The following EIF3F variants were observed in gnomAD, a reference collection of about 807,000 sequenced individuals.
The protein encoded by EIF3F is deubiquitinating enzyme eIF3f.
In EIF3F, 8 loss-of-function variants were observed where a neutral mutation model predicts 36.0. The observed-to-expected ratio is 0.22, with a 90% confidence interval of 0.13 to 0.40. The LOEUF is 0.40. EIF3F is among the 10% of genes least tolerant of loss of function. The pLI is 1.00. For synonymous variants in EIF3F, 184 were observed against 188.5 expected (o/e 0.98, Z 0.19); for missense variants, 430 against 467.6 (o/e 0.92, Z 0.74).
At chr11:7,990,050 C>T (rs1282879581) in intron 1 of EIF3F, among the ~76,000 whole-genome samples, 2 of 152,182 alleles carry the variant, frequency 1.3e-5, no homozygotes, top group Non-Finnish European at 2.9e-5. Flanking sequence ...AAAAATCACT[C>T]TGGAATGAGT....
chr11:7,988,472 G>T (rs1434509767), intron 1 of EIF3F, among the ~76,000 whole-genome samples: 1 of 152,162 alleles, frequency 6.6e-6, no homozygotes, highest in African/African-American at 2.4e-5. Context: ...TTCCAAATTT[G>T]GGGAATAGAT....
At chr11:7,988,014 T>G (rs1389720876) in intron 1 of EIF3F, 1 of 277,022 alleles carries the variant, frequency 3.6e-6, no homozygotes, top group South Asian at 1.3e-4. Flanking sequence ...ATGCCAGTGG[T>G]TTACATTTTA....
chr11:7,995,584 A>G lies in EIF3F; in HGVS notation c.996+217A>G, dbSNP rs906597683. 3 of 597,682 alleles carry G rather than the reference A, an allele frequency of 5.0e-6. No individual in the cohort carries two copies. In the East Asian group the frequency reaches 8.4e-5, roughly 17 times the overall value. 37.0% of individuals were successfully genotyped at this position (597,682 alleles called of 1,614,324 possible). A position where few individuals can be genotyped will look rare whatever the true frequency, so the allele number is the denominator to read the frequency against. Reference sequence around the variant, plus strand: ...CTCCCATGATTCCATTGTCTCATTTACTGCTGATACTACTGTGACTTACTG... The same window carrying G: ...CTCCCATGATTCCATTGTCTCATTTGCTGCTGATACTACTGTGACTTACTG... On this transcript the variant is annotated intron_variant, in intron 7 of 7. Coordinates refer to ENST00000651655, the MANE Select transcript of EIF3F (RefSeq NM_003754.3).
Position 8,001,429 on chromosome 11 carries a change from A to G in EIF3F, c.*5407A>G, listed in dbSNP as rs1021255654. 30 of 152,250 alleles carry G rather than the reference A, an allele frequency of 2.0e-4. No homozygotes were observed. Among genetic ancestry groups the G allele is most frequent in the African/African-American group, 6.0e-4 (25 of 41,472 alleles). The allele number at this position is 152,250 out of a possible 1,614,324, so 9.4% of individuals were successfully genotyped here. On this transcript the variant is annotated 3_prime_UTR_variant, in exon 8 of 8. Transcript: ENST00000651655. Reference sequence around the variant, plus strand: ...ATGACACAATGTAATGAATACATAGATAAGTACTGAAATACTTGGTTATCA... The same window carrying G: ...ATGACACAATGTAATGAATACATAGGTAAGTACTGAAATACTTGGTTATCA...
At chr11:7,989,700 A>G (rs183013801) in intron 1 of EIF3F, among the ~76,000 whole-genome samples, 145 of 152,364 alleles carry the variant, frequency 9.5e-4, no homozygotes, top group African/African-American at 3.4e-3. Flanking sequence ...TCATGGTGGC[A>G]TGGAAATGCA....
chr11:7,991,643 C>T (rs1942096809), intron 1 of EIF3F, 138 bp from the exon 2 acceptor site: 5 of 821,198 alleles, frequency 6.1e-6, no homozygotes, highest in Admixed American at 1.8e-5. Context: ...ATCGATGCAC[C>T]GGACTAAACT....
rs200663616 is a variant in EIF3F at position 7,987,349 on chromosome 11, C to T, written c.-4C>T. ...CCGCTTCCGCCTCCTTCTTTCTCGA[C>T]AAGATGGCCACACCGGCGGTACCAG... On this transcript the variant is annotated 5_prime_UTR_variant, in exon 1 of 8. Transcript: ENST00000651655. The T allele has an allele frequency of 2.5e-5, 40 of 1,591,832 alleles. 1 individual carries two copies. Among genetic ancestry groups the T allele is most frequent in the South Asian group, 1.3e-4 (12 of 90,378 alleles).
chr11:7,992,461 A>C (rs1462246131), intron 3 of EIF3F: 2 of 448,180 alleles, frequency 4.5e-6, no homozygotes, highest in East Asian at 4.6e-5. Flanking sequence ...AGTCCTAGCT[A>C]TTCAGGAGGC....
intron 1 of EIF3F, among the ~76,000 whole-genome samples, chr11:7,989,529 G>T (rs904257801): frequency 6.6e-6 from 1 of 152,206 alleles, no homozygotes; most frequent in Non-Finnish European, 1.5e-5. Context: ...TTGTCTAAAT[G>T]AAGTCATTGG....
intron 1 of EIF3F, among the ~76,000 whole-genome samples, chr11:7,988,268 G>T (rs4625452): frequency 1.3e-5 from 2 of 152,378 alleles, no homozygotes; most frequent in African/African-American, 4.8e-5. Flanking sequence ...GTTGGAACCC[G>T]CTTGGGATTT....
rs912208158 is a variant in EIF3F, at chr11:7,997,884, T to G, written c.*1862T>G. ...GTACAGACATTTTTCCTTGTCATTT[T>G]TCCCTAAACAATACAAAGTATTAGA... is the stretch of plus-strand genomic sequence containing the variant. On this transcript the variant is annotated 3_prime_UTR_variant, in exon 8 of 8. Coordinates refer to ENST00000651655, the MANE Select transcript of EIF3F (RefSeq NM_003754.3). 2.0e-5 allele frequency: 3 copies of G among 152,258 alleles called. No individual in the cohort carries two copies. The highest frequency in any genetic ancestry group is 7.2e-5 in the African/African-American group (3 of 41,470). 9.4% of individuals were successfully genotyped at this position (152,258 alleles called of 1,614,324 possible).
At chr11:7,991,192 CAG>C (rs1399227794) in intron 1 of EIF3F, among the ~76,000 whole-genome samples, 1 of 144,962 alleles carries the variant, frequency 6.9e-6, no homozygotes, top group Non-Finnish European at 1.5e-5. Context: ...GATTTCGTCT[CAG>C]AAAAAAAAAA....
In EIF3F at chr11:7,987,350, A is replaced by G. The variant is rs748371751; in HGVS notation, c.-3A>G. On this transcript the variant is annotated 5_prime_UTR_variant, in exon 1 of 8. Coordinates refer to ENST00000651655, the MANE Select transcript of EIF3F (RefSeq NM_003754.3). ...CGCTTCCGCCTCCTTCTTTCTCGAC[A>G]AGATGGCCACACCGGCGGTACCAGT... 6.9e-6 allele frequency: 11 copies of G among 1,592,068 alleles called. No individual in the cohort carries two copies. The East Asian group carries it at 9.0e-5, about 13-fold the overall frequency.
At position 7,999,950 on chromosome 11, in the gene EIF3F, T is replaced by G. The variant is rs1311875310; in HGVS notation, c.*3928T>G. ...TGAGCGCGGTGGCCCACGCCTGTAA[T>G]CCCAGCACTTTGGGAGGCCAAGGCA... is the stretch of plus-strand genomic sequence containing the variant. On this transcript the variant is annotated 3_prime_UTR_variant, in exon 8 of 8. Transcript: ENST00000651655. The G allele has an allele frequency of 6.6e-6, 1 of 152,326 alleles. No individual in the cohort carries two copies. Among genetic ancestry groups the G allele is most frequent in the East Asian group, 1.9e-4 (1 of 5,200 alleles). The allele number at this position is 152,326 out of a possible 1,614,324, so 9.4% of individuals were successfully genotyped here. A position where few individuals can be genotyped will look rare whatever the true frequency, so the allele number is the denominator to read the frequency against.
At chr11:7,991,674 A>T in intron 1 of EIF3F, 107 bp from the exon 2 acceptor site, 1 of 1,046,654 alleles carries the variant, frequency 9.6e-7, no homozygotes, top group Non-Finnish European at 1.5e-6. Flanking sequence ...GAGTTCAGTT[A>T]GGTGTTCATT....
chr11:7,993,703 C>T (rs1269705161), intron 4 of EIF3F, among the ~76,000 whole-genome samples: 1 of 152,150 alleles, frequency 6.6e-6, no homozygotes, highest in Non-Finnish European at 1.5e-5. Context: ...CCAGTTAACT[C>T]TTACACAGTA....
At chr11:7,988,121 C>T (rs899335217) in intron 1 of EIF3F, among the ~76,000 whole-genome samples, 1 of 152,206 alleles carries the variant, frequency 6.6e-6, no homozygotes, top group Non-Finnish European at 1.5e-5. Context: ...CTCCCTATAC[C>T]AGTGACCACA....
Position 8,000,831 on chromosome 11 carries a change from T to C in EIF3F, c.*4809T>C, listed in dbSNP as rs1299691338. 1 of 151,824 alleles carries C rather than the reference T, an allele frequency of 6.6e-6. No individual in the cohort carries two copies. Among genetic ancestry groups the C allele is most frequent in the Non-Finnish European group, 1.5e-5 (1 of 67,960 alleles). 9.4% of individuals were successfully genotyped at this position (151,824 alleles called of 1,614,324 possible). A position where few individuals can be genotyped will look rare whatever the true frequency, so the allele number is the denominator to read the frequency against. On this transcript the variant is annotated 3_prime_UTR_variant, in exon 8 of 8. Transcript: ENST00000651655. ...TTGTCTGAAAAAAAAACCATAAATA[T>C]GAGGGAAAAAACACAGCAATGTGTT...
In EIF3F at chr11:7,990,900, T is replaced by TAAAAA. The variant is rs71059142; in HGVS notation, c.365-877_365-876insAAAAA. On this transcript the variant is annotated intron_variant, in intron 1 of 7. Transcript: ENST00000651655. ...ATAAATAAATAAATAAATAAATAAATAAAAGAAATACAGCCTGGGCACCAT... is the reference window on the plus strand; with the variant it reads ...ATAAATAAATAAATAAATAAATAAATAAAAAAAAAGAAATACAGCCTGGGCACCAT... Among the ~76,000 whole-genome samples the TAAAAA allele has an allele frequency of 4.4e-3, 604 of 136,942 alleles. 3 individuals are homozygous for TAAAAA. Among genetic ancestry groups the TAAAAA allele is most frequent in the African/African-American group, 0.016 (578 of 35,336 alleles). 89.8% of individuals were successfully genotyped at this position (136,942 alleles called of 152,430 possible). A position where few individuals can be genotyped will look rare whatever the true frequency, so the allele number is the denominator to read the frequency against.
Sources: gnomAD v4.1 joint callset for allele counts (sites outside exome capture counted in the v4.1 genomes callset) on GRCh38, gnomAD v4.1.1 for gene constraint, MANE v1.5 for transcripts, NCBI Gene and HGNC (gene_info 2026-07-23, HGNC 2026-07-21) for gene names.